The following EPB41L4A variants were observed in gnomAD, a reference collection of about 807,000 sequenced individuals.
EPB41L4A encodes band 4.1-like protein 4A.
EPB41L4A carries 100 observed loss-of-function variants against 108.6 expected under a neutral mutation model. The ratio of observed to expected loss-of-function variants is 0.92; its 90% CI spans 0.78 to 1.09. The LOEUF (loss-of-function observed/expected upper bound fraction) is 1.09, where lower values mean the gene tolerates loss of function less well. Among genes scored for constraint, EPB41L4A ranks in the 50% least tolerant of loss-of-function variants. The pLI is 0.00. For missense variants in EPB41L4A, 1,030 were observed against 842.7 expected (o/e 1.22, Z -2.75); for synonymous variants, 319 against 289.0 (o/e 1.10, Z -1.05).
At chr5:112,284,751 G>A (rs1056600637) in intron 2 of EPB41L4A, among the ~76,000 whole-genome samples, 2 of 152,170 alleles carry the variant, frequency 1.3e-5, no homozygotes, top group African/African-American at 4.8e-5. Flanking sequence ...CAGAGTAGAA[G>A]AGGTAAAGCA....
intron 1 of EPB41L4A, among the ~76,000 whole-genome samples, chr5:112,396,154 C>T (rs766974097): frequency 5.9e-5 from 9 of 151,878 alleles, no homozygotes; most frequent in Non-Finnish European, 8.8e-5. Flanking sequence ...ATGTAAATGA[C>T]GAGTTAATGG....
chr5:112,230,173 A>C (rs1234524829), intron 12 of EPB41L4A, among the ~76,000 whole-genome samples: 2 of 152,068 alleles, frequency 1.3e-5, no homozygotes, highest in African/African-American at 4.8e-5. Flanking sequence ...GCAAATACAA[A>C]TTGTGCTGTT....
chr5:112,206,547 T>C (rs1273692713), intron 13 of EPB41L4A, among the ~76,000 whole-genome samples: 2 of 152,192 alleles, frequency 1.3e-5, no homozygotes, highest in South Asian at 2.1e-4. Flanking sequence ...AGCTTACCTT[T>C]TGAAATGATG....
At chr5:112,146,099 A>G (rs1408510673) in intron 12 of EPB41L4A, 1 of 402,920 alleles carries the variant, frequency 2.5e-6, no homozygotes, top group Non-Finnish European at 4.9e-6. Context: ...CATTCATCTG[A>G]TAGGGTCTTA....
At position 112,299,161 on chromosome 5, in the gene EPB41L4A, C is replaced by A. The variant is rs187858126; in HGVS notation, c.204+8225G>T. 3.3e-5 allele frequency among the ~76,000 whole-genome samples: 5 copies of A among 152,030 alleles called. No homozygotes were observed. In the East Asian group the frequency reaches 9.7e-4, roughly 29 times the overall value. On this transcript the variant is annotated intron_variant, in intron 2 of 22. Coordinates refer to ENST00000261486, the MANE Select transcript of EPB41L4A (RefSeq NM_022140.5). Reference sequence around the variant, plus strand: ...CAATTTCATTTAGTTCTGCTCTGACCTTGGTTATTTCCTTCATTCTGTTGG... The same window carrying A: ...CAATTTCATTTAGTTCTGCTCTGACATTGGTTATTTCCTTCATTCTGTTGG...
At chr5:112,317,025 TATTG>T (rs1057191899) in intron 1 of EPB41L4A, among the ~76,000 whole-genome samples, 1 of 152,196 alleles carries the variant, frequency 6.6e-6, no homozygotes, top group African/African-American at 2.4e-5. Flanking sequence ...TGCTACACTC[TATTG>T]ATCAAAGCAA....
At chr5:112,317,376 T>C (rs962420109) in intron 1 of EPB41L4A, among the ~76,000 whole-genome samples, 15 of 152,176 alleles carry the variant, frequency 9.9e-5, no homozygotes, top group Admixed American at 7.2e-4. Context: ...TCCTGCTTTA[T>C]AAATAAGCTC....
At chr5:112,201,208 C>T (rs1204062758) in intron 15 of EPB41L4A, among the ~76,000 whole-genome samples, 1 of 152,198 alleles carries the variant, frequency 6.6e-6, no homozygotes, top group Non-Finnish European at 1.5e-5. Context: ...TGCCTCAAAA[C>T]ACACGTCCCC....
rs533023133 is a variant in EPB41L4A at position 112,180,006 on chromosome 5, T to C, written c.1622+4010A>G. ...GTAGCATCAGTATTTTTAAAAATCC[T>C]TTGTTCTTCTATATACTAAAAAACA... On this transcript the variant is annotated intron_variant, in intron 18 of 22. Transcript: ENST00000261486. Among the ~76,000 whole-genome samples the C allele has an allele frequency of 1.3e-4, 20 of 152,306 alleles. No homozygotes were observed. In the South Asian group the frequency reaches 2.7e-3, roughly 20 times the overall value.
intron 12 of EPB41L4A, among the ~76,000 whole-genome samples, chr5:112,229,448 T>C (rs542571728): frequency 1.3e-5 from 2 of 152,212 alleles, no homozygotes; most frequent in South Asian, 4.1e-4. Context: ...GGGGAACAGG[T>C]GGTTCTTGGT....
chr5:112,389,842 C>G (rs1216283565), intron 1 of EPB41L4A, among the ~76,000 whole-genome samples: 1 of 152,040 alleles, frequency 6.6e-6, no homozygotes, highest in Non-Finnish European at 1.5e-5. Flanking sequence ...CACAACAATG[C>G]TAGAATTAGG....
intron 1 of EPB41L4A, among the ~76,000 whole-genome samples, chr5:112,405,136 G>A (rs903434858): frequency 3.3e-5 from 5 of 152,282 alleles, no homozygotes; most frequent in East Asian, 1.9e-4. Flanking sequence ...TCTTGAGCTC[G>A]CATTCTCTCA....
At chr5:112,256,401 A>C (rs755305812) in intron 9 of EPB41L4A, among the ~76,000 whole-genome samples, 2 of 152,202 alleles carry the variant, frequency 1.3e-5, no homozygotes, top group Non-Finnish European at 2.9e-5. Context: ...GGATTGAAGG[A>C]ATAAATTATT....
chr5:112,361,657 C>A (rs1362629605), intron 1 of EPB41L4A, among the ~76,000 whole-genome samples: 1 of 149,960 alleles, frequency 6.7e-6, no homozygotes, highest in Non-Finnish European at 1.5e-5. Flanking sequence ...GTGATTGAGT[C>A]CAAAGAAAAA....
intron 11 of EPB41L4A, among the ~76,000 whole-genome samples, chr5:112,238,225 T>C (rs1749498129): frequency 6.6e-6 from 1 of 152,212 alleles, no homozygotes; most frequent in African/African-American, 2.4e-5. Context: ...ACAGTCCAAG[T>C]ACTGACTATT....
At chr5:112,394,272 T>C (rs1580821429) in intron 1 of EPB41L4A, among the ~76,000 whole-genome samples, 1 of 152,268 alleles carries the variant, frequency 6.6e-6, no homozygotes, top group Middle Eastern at 3.4e-3. Flanking sequence ...ATAAAAGGTA[T>C]TCAATCAGGA....
intron 1 of EPB41L4A, among the ~76,000 whole-genome samples, chr5:112,374,947 C>T (rs1345841881): frequency 1.3e-5 from 2 of 152,192 alleles, no homozygotes; most frequent in Admixed American, 1.3e-4. Flanking sequence ...TGATGTTCAA[C>T]ATTCAGGTTC....
chr5:112,244,263 C>A (rs1260093318), intron 9 of EPB41L4A, among the ~76,000 whole-genome samples: 1 of 152,180 alleles, frequency 6.6e-6, no homozygotes, highest in Non-Finnish European at 1.5e-5. Context: ...CATCATTTAT[C>A]AATTAAGATC....
At chr5:112,161,551 C>G (rs749768738), downstream of EPB41L4A, 2 of 519,108 alleles carry the variant, frequency 3.9e-6, no homozygotes, top group African/African-American at 3.8e-5. Flanking sequence ...GTAAATTAAA[C>G]GCTTTGCAGC....
Sources: allele counts gnomAD v4.1 joint callset (sites outside exome capture counted in the v4.1 genomes callset), GRCh38; gene constraint gnomAD v4.1.1; transcripts MANE v1.5; gene names NCBI Gene and HGNC (gene_info 2026-07-23, HGNC 2026-07-21).